The following TTC8 variants were observed in gnomAD, a reference collection of about 807,000 sequenced individuals.
TTC8 encodes the protein tetratricopeptide repeat protein 8.
TTC8 carries 47 observed loss-of-function variants against 72.5 expected under a neutral mutation model. The observed-to-expected ratio is 0.65, with a 90% CI of 0.51 to 0.83. The LOEUF is 0.83. Ranked by LOEUF, TTC8 falls within the 40% of genes least tolerant of loss-of-function variation. The pLI is 0.00. For missense variants in TTC8, 611 were observed against 623.2 expected (o/e 0.98, Z 0.21); for synonymous variants, 199 against 221.4 (o/e 0.90, Z 0.90).
intron 14 of TTC8, among the ~76,000 whole-genome samples, chr14:88,875,475 G>C (rs969740550): frequency 6.6e-6 from 1 of 152,096 alleles, no homozygotes; most frequent in Non-Finnish European, 1.5e-5. Flanking sequence ...TTGCCACCAA[G>C]TTTCTGGTAC....
intron 6 of TTC8, among the ~76,000 whole-genome samples, chr14:88,842,548 G>T (rs983879513): frequency 6.6e-6 from 1 of 152,046 alleles, no homozygotes; most frequent in Admixed American, 6.6e-5. Context: ...GGAATATCTG[G>T]TTCCCTACCC....
In TTC8 at chr14:88,861,855, A is replaced by G. The variant is rs55718557; in HGVS notation, c.909+523A>G. 6.1e-3 allele frequency among the ~76,000 whole-genome samples: 926 copies of G among 152,270 alleles called. 20 individuals are homozygous for G. The highest frequency in any genetic ancestry group is 0.021 in the African/African-American group (870 of 41,554). On this transcript the variant is annotated intron_variant, in intron 10 of 14. Coordinates refer to ENST00000380656, the MANE Select transcript of TTC8 (RefSeq NM_144596.4). ...GGCTCAATATTGCTTTATTGTGTCT[A>G]TATACCACATTTTCTTTATCCATTC...
intron 10 of TTC8, among the ~76,000 whole-genome samples, chr14:88,867,933 A>G (rs10873393): frequency 0.51 from 76,923 of 152,056 alleles, 21,438 homozygotes; most frequent in African/African-American, 0.75. Flanking sequence ...TATATATAAA[A>G]CATAGATTTG....
chr14:88,863,623 G>A (rs887560412), intron 10 of TTC8, among the ~76,000 whole-genome samples: 1 of 152,226 alleles, frequency 6.6e-6, no homozygotes, highest in Non-Finnish European at 1.5e-5. Context: ...CTTATCATCT[G>A]GGGAAATTTC....
intron 1 of TTC8, 42 bp from the exon 2 acceptor site, chr14:88,833,649 CTG>C: frequency 6.3e-7 from 1 of 1,588,268 alleles, no homozygotes; most frequent in Non-Finnish European, 8.6e-7. Context: ...ATTTTAGAAA[CTG>C]TATTTCTTAA....
chr14:88,863,817 T>C (rs1433452634), intron 10 of TTC8, among the ~76,000 whole-genome samples: 1 of 152,236 alleles, frequency 6.6e-6, no homozygotes, highest in African/African-American at 2.4e-5. Context: ...AATGTATTAC[T>C]TTTTAAAACT....
chr14:88,848,860 C>T (rs982049054), intron 7 of TTC8, among the ~76,000 whole-genome samples: 4 of 151,994 alleles, frequency 2.6e-5, no homozygotes, highest in African/African-American at 9.7e-5. Flanking sequence ...ATGGTACTAA[C>T]GGAGATTAAG....
chr14:88,847,531 A>G (rs1407265458), intron 7 of TTC8, among the ~76,000 whole-genome samples: 1 of 152,224 alleles, frequency 6.6e-6, no homozygotes, highest in Non-Finnish European at 1.5e-5. Context: ...ATTGAACAAA[A>G]TCGTTGACTC....
At chr14:88,831,774 C>G (rs960232617) in intron 1 of TTC8, among the ~76,000 whole-genome samples, 1 of 152,112 alleles carries the variant, frequency 6.6e-6, no homozygotes, top group Non-Finnish European at 1.5e-5. Flanking sequence ...AGGAAGATGT[C>G]CAGTGAAATG....
At chr14:88,826,546 T>C (rs1386324804) in intron 1 of TTC8, among the ~76,000 whole-genome samples, 4 of 151,406 alleles carry the variant, frequency 2.6e-5, no homozygotes, top group Non-Finnish European at 5.9e-5. Flanking sequence ...CTACTAAAAA[T>C]AGAAAAAATT....
downstream of TTC8, chr14:88,878,626 T>G (rs1396391338): frequency 6.6e-6 from 1 of 152,214 alleles, no homozygotes; most frequent in Non-Finnish European, 1.5e-5. Flanking sequence ...TTCTTGGTTC[T>G]CTGTGATGTG....
chr14:88,871,475 A>G lies in TTC8; in HGVS notation c.1050-74A>G. The G allele has an allele frequency of 7.7e-7, 1 of 1,293,654 alleles. No individual in the cohort carries two copies. The highest frequency in any genetic ancestry group is 1.1e-6 in the Non-Finnish European group (1 of 922,576). The allele number at this position is 1,293,654 out of a possible 1,614,324, so 80.1% of individuals were successfully genotyped here. A position where few individuals can be genotyped will look rare whatever the true frequency, so the allele number is the denominator to read the frequency against. ...AGATGAATTCATTTTTAACTGTGTAAAATATATATATATATGTCTTAAAAC... is the reference window on the plus strand; with the variant it reads ...AGATGAATTCATTTTTAACTGTGTAGAATATATATATATATGTCTTAAAAC... On this transcript the variant is annotated intron_variant, in intron 11 of 14. Coordinates refer to ENST00000380656, the MANE Select transcript of TTC8 (RefSeq NM_144596.4). This position sits in a 1 kb window ranked among gnomAD's most constrained non-coding sequence, Gnocchi z 4.1.
intron 10 of TTC8, 103 bp from the exon 11 acceptor site, chr14:88,869,956 T>C (rs2094926785): frequency 6.6e-6 from 8 of 1,215,552 alleles, no homozygotes; most frequent in Admixed American, 1.9e-5. Flanking sequence ...TGGTAGCCTC[T>C]CAATAAATAC....
intron 10 of TTC8, among the ~76,000 whole-genome samples, chr14:88,866,251 C>T (rs1010598676): frequency 5.3e-5 from 8 of 151,986 alleles, no homozygotes; most frequent in Non-Finnish European, 1.0e-4. Context: ...AAACCAAACC[C>T]ATATACAACA....
Position 88,843,849 on chromosome 14 carries a change from C to A in TTC8, c.623C>A (p.Thr208Asn). ...TTTCATCATGAAAATGATGTTAAGACTGTAAGTTTTGAATTCATGCTATTT... is the reference window on the plus strand; with the variant it reads ...TTTCATCATGAAAATGATGTTAAGAATGTAAGTTTTGAATTCATGCTATTT... Reference protein sequence around the residue: ...YIFHHENDVKTALDLAALSTE... With the variant: ...YIFHHENDVKNALDLAALSTE... The change falls in exon 7 of 15, where the codon ACT becomes AAT. Residue 208 changes from threonine to asparagine, a missense_variant and splice_region_variant. Physicochemically the swap from Thr to Asn is moderately conservative, Grantham distance 65 (BLOSUM62 0). Coordinates refer to ENST00000380656, the MANE Select transcript of TTC8 (RefSeq NM_144596.4). 2 of 1,586,014 alleles carry A rather than the reference C, an allele frequency of 1.3e-6. No homozygotes were observed. The highest frequency in any genetic ancestry group is 2.7e-5 in the African/African-American group (2 of 74,408).
At chr14:88,867,913 C>T (rs1044978366) in intron 10 of TTC8, among the ~76,000 whole-genome samples, 1 of 152,104 alleles carries the variant, frequency 6.6e-6, no homozygotes, top group Non-Finnish European at 1.5e-5. Flanking sequence ...ATATAAAGCA[C>T]ATGAAGAAAT....
rs1394493915 is a variant in TTC8 at position 88,862,567 on chromosome 14, TA to T, written c.909+1236del. ...ATATATATATATATATATATATATATATATATATATATATATATATATATAT... is the reference window on the plus strand; with the variant it reads ...ATATATATATATATATATATATATATTATATATATATATATATATATATAT... On this transcript the variant is annotated intron_variant, in intron 10 of 14. Coordinates refer to ENST00000380656, the MANE Select transcript of TTC8 (RefSeq NM_144596.4). Among the ~76,000 whole-genome samples the T allele has an allele frequency of 4.2e-3, 248 of 59,732 alleles. 28 individuals are homozygous for T. The highest frequency in any genetic ancestry group is 0.017 in the African/African-American group (240 of 14,124). The allele number at this position is 59,732 out of a possible 152,430, so 39.2% of individuals were successfully genotyped here.
intron 6 of TTC8, among the ~76,000 whole-genome samples, chr14:88,841,745 A>T (rs2094782781): frequency 6.6e-6 from 1 of 152,210 alleles, no homozygotes. Flanking sequence ...CTTGATAAAG[A>T]GTAGTAATTT....
In TTC8 at chr14:88,862,560, A is replaced by T. The variant is rs1205107787; in HGVS notation, c.909+1228A>T. Among the ~76,000 whole-genome samples the T allele has an allele frequency of 8.6e-5, 3 of 35,018 alleles. 1 individual carries two copies. The highest frequency in any genetic ancestry group is 3.8e-4 in the African/African-American group (3 of 7,980). 23.0% of individuals were successfully genotyped at this position (35,018 alleles called of 152,430 possible). Reference sequence around the variant, plus strand: ...TCTCTCCATATATATATATATATATATATATATATATATATATATATATAT... The same window carrying T: ...TCTCTCCATATATATATATATATATTTATATATATATATATATATATATAT... On this transcript the variant is annotated intron_variant, in intron 10 of 14. Coordinates refer to ENST00000380656, the MANE Select transcript of TTC8 (RefSeq NM_144596.4).
Sources: allele counts gnomAD v4.1 joint callset (sites outside exome capture counted in the v4.1 genomes callset), GRCh38; gene constraint gnomAD v4.1.1; non-coding constraint Gnocchi (gnomAD v3.1); transcripts MANE v1.5; gene names NCBI Gene and HGNC (gene_info 2026-07-23, HGNC 2026-07-21).